Variants in RTL4 observed in about 807,000 individuals in gnomAD.
The protein encoded by RTL4 is retrotransposon Gag-like protein 4.
RTL4 carries 4 observed loss-of-function variants against 5.3 expected under a neutral mutation model. That is an observed-to-expected ratio of 0.75 (90% CI 0.37 to 1.72). The LOEUF (loss-of-function observed/expected upper bound fraction) is 1.72. Ranked by LOEUF, RTL4 falls within the 40% of genes most tolerant of loss-of-function variation. The pLI is 0.04. For synonymous variants in RTL4, 98 were observed against 87.3 expected (o/e 1.12, Z -0.68); for missense variants, 260 against 227.1 (o/e 1.14, Z -0.93).
chrX:112,103,230 C>T, the RTL4 span, among the ~76,000 whole-genome samples: 2 of 112,000 alleles, frequency 1.8e-5, no homozygotes, highest in Non-Finnish European at 3.8e-5. Flanking sequence ...GTTACATATA[C>T]TATGCAGCCA....
At chrX:112,324,551 G>A in the RTL4 span, among the ~76,000 whole-genome samples, 4 of 110,528 alleles carry the variant, frequency 3.6e-5, no homozygotes, top group Non-Finnish European at 5.7e-5. Flanking sequence ...TTAGATTATT[G>A]ATGTGCAATT....
At chrX:112,213,630 A>G in the RTL4 span, among the ~76,000 whole-genome samples, 1 of 112,177 alleles carries the variant, frequency 8.9e-6, no homozygotes, top group African/African-American at 3.2e-5. Flanking sequence ...AAATTGTGGT[A>G]TAATATACAT....
the RTL4 span, among the ~76,000 whole-genome samples, chrX:112,267,706 C>T: frequency 0.019 from 2,125 of 111,675 alleles, 37 homozygotes; most frequent in African/African-American, 0.064. Context: ...CCTATAGTCT[C>T]TCCCATCTCA....
the RTL4 span, among the ~76,000 whole-genome samples, chrX:112,139,172 C>A: frequency 5.4e-5 from 6 of 111,236 alleles, no homozygotes; most frequent in African/African-American, 2.0e-4. Flanking sequence ...AGATAAAGTG[C>A]CATACACATC....
At chrX:112,319,287 G>A in the RTL4 span, among the ~76,000 whole-genome samples, 1 of 111,558 alleles carries the variant, frequency 9.0e-6, no homozygotes, top group South Asian at 3.7e-4. Flanking sequence ...CCACTGCTTA[G>A]TCAGAAAATG....
the RTL4 span, among the ~76,000 whole-genome samples, chrX:112,447,332 T>C: frequency 8.9e-6 from 1 of 112,092 alleles, no homozygotes; most frequent in East Asian, 2.8e-4. Flanking sequence ...CCAGGAAATT[T>C]ACATATATTA....
At chrX:112,293,261 A>G in the RTL4 span, among the ~76,000 whole-genome samples, 1 of 112,312 alleles carries the variant, frequency 8.9e-6, no homozygotes, top group Non-Finnish European at 1.9e-5. Flanking sequence ...GAAGGTCTCT[A>G]TTAAGGACCT....
At chrX:112,432,404 C>G in the RTL4 span, among the ~76,000 whole-genome samples, 8 of 93,811 alleles carry the variant, frequency 8.5e-5, no homozygotes, top group African/African-American at 2.4e-4. Context: ...TGTTTCCTGA[C>G]TTTTTAATGA....
At chrX:112,421,279 A>T in the RTL4 span, among the ~76,000 whole-genome samples, 3 of 111,836 alleles carry the variant, frequency 2.7e-5, no homozygotes, top group African/African-American at 9.7e-5. Context: ...AAATTGTGGG[A>T]ATAAATGTGA....
At chrX:112,430,318 T>G in the RTL4 span, among the ~76,000 whole-genome samples, 52,217 of 109,004 alleles carry the variant, frequency 0.48, 9,769 homozygotes, top group African/African-American at 0.64. Context: ...TTCCATCCTC[T>G]GCTATGTCCA....
chrX:112,392,381 A>G, the RTL4 span, among the ~76,000 whole-genome samples: 2 of 111,488 alleles, frequency 1.8e-5, no homozygotes, highest in African/African-American at 3.3e-5. Flanking sequence ...GTCACCTCCG[A>G]TTTTTTAGTA....
the RTL4 span, among the ~76,000 whole-genome samples, chrX:112,348,245 G>A: frequency 9.1e-6 from 1 of 109,765 alleles, no homozygotes; most frequent in Non-Finnish European, 1.9e-5. Flanking sequence ...TCAGATGCTA[G>A]AATTTTGTTA....
At chrX:112,246,678 G>A in the RTL4 span, among the ~76,000 whole-genome samples, 6 of 111,532 alleles carry the variant, frequency 5.4e-5, no homozygotes, top group African/African-American at 2.0e-4. Context: ...CACTTCCCGG[G>A]TGAGGCGATG....
At chrX:112,086,759 T>C in the RTL4 span, among the ~76,000 whole-genome samples, 1 of 112,290 alleles carries the variant, frequency 8.9e-6, no homozygotes, top group Non-Finnish European at 1.9e-5. Context: ...ATTCAAACTT[T>C]ACACATTCAT....
chrX:112,432,908 A>G, the RTL4 span, among the ~76,000 whole-genome samples: 5 of 111,914 alleles, frequency 4.5e-5, 1 homozygote, highest in East Asian at 8.4e-4. Flanking sequence ...TAATTTTTGT[A>G]TAAGGTGTAA....
At chrX:112,100,311 A>G in the RTL4 span, among the ~76,000 whole-genome samples, 16 of 111,972 alleles carry the variant, frequency 1.4e-4, no homozygotes, top group African/African-American at 5.2e-4. Context: ...AGATTCTCAA[A>G]GAATAAAAAT....
At chrX:112,341,974 T>G in the RTL4 span, among the ~76,000 whole-genome samples, 1 of 111,540 alleles carries the variant, frequency 9.0e-6, no homozygotes, top group Non-Finnish European at 1.9e-5. Context: ...ATAACTTTAA[T>G]GTACTGCTTC....
At chrX:112,408,568 TAGAG>T in the RTL4 span, among the ~76,000 whole-genome samples, 5,528 of 110,557 alleles carry the variant, frequency 0.05, 131 homozygotes, top group African/African-American at 0.079. Flanking sequence ...ATGAAGTAGG[TAGAG>T]AAAGAGATGG....
the RTL4 span, among the ~76,000 whole-genome samples, chrX:112,364,890 A>G: frequency 8.9e-6 from 1 of 112,048 alleles, no homozygotes; most frequent in African/African-American, 3.2e-5. Flanking sequence ...TATTAATTCA[A>G]TTCAACAAAT....
Sources: gnomAD v4.1 joint callset for allele counts (sites outside exome capture counted in the v4.1 genomes callset) on GRCh38, gnomAD v4.1.1 for gene constraint, MANE v1.5 for transcripts, NCBI Gene and HGNC (gene_info 2026-07-23, HGNC 2026-07-21) for gene names.